ARHGEF28: variants seen among roughly 807,000 people sequenced by gnomAD.
The protein encoded by ARHGEF28 is 190 kDa guanine nucleotide exchange factor.
A neutral mutation model predicts 206.6 loss-of-function variants in ARHGEF28; 152 were observed. The ratio of observed to expected loss-of-function variants is 0.74; its 90% CI spans 0.64 to 0.84. The LOEUF is 0.84. ARHGEF28 is among the 40% of genes least tolerant of loss of function. The pLI is 0.00. For missense variants in ARHGEF28, 2,028 were observed against 2,073.2 expected (o/e 0.98, Z 0.42); for synonymous variants, 763 against 776.4 (o/e 0.98, Z 0.29).
At chr5:73,821,964 T>G (rs1756621459) in intron 9 of ARHGEF28, among the ~76,000 whole-genome samples, 1 of 152,202 alleles carries the variant, frequency 6.6e-6, no homozygotes, top group Non-Finnish European at 1.5e-5. Flanking sequence ...GATTGGTTTT[T>G]GTTCTCAGAG....
At chr5:73,839,420 C>A (rs1757849265) in intron 10 of ARHGEF28, among the ~76,000 whole-genome samples, 1 of 152,114 alleles carries the variant, frequency 6.6e-6, no homozygotes, top group African/African-American at 2.4e-5. Flanking sequence ...TTCTTTTTCC[C>A]CTTCACTGCT....
intron 9 of ARHGEF28, among the ~76,000 whole-genome samples, chr5:73,812,174 C>G (rs1393780102): frequency 6.6e-6 from 1 of 152,150 alleles, no homozygotes; most frequent in Non-Finnish European, 1.5e-5. Flanking sequence ...GGTCTCTCCC[C>G]TTTCTCCTCT....
At chr5:73,740,050 G>A (rs1369796186) in intron 2 of ARHGEF28, among the ~76,000 whole-genome samples, 1 of 148,908 alleles carries the variant, frequency 6.7e-6, no homozygotes, top group African/African-American at 2.5e-5. Flanking sequence ...TGGTGGTGGT[G>A]CCTGCAGTCC....
At chr5:73,670,254 C>T (rs1477734465) in intron 1 of ARHGEF28, among the ~76,000 whole-genome samples, 2 of 152,140 alleles carry the variant, frequency 1.3e-5, no homozygotes, top group Non-Finnish European at 2.9e-5. Context: ...CAGACTGTAA[C>T]CTTTAGGATT....
chr5:73,937,709 C>T (rs553057727), intron 35 of ARHGEF28, among the ~76,000 whole-genome samples: 1 of 152,212 alleles, frequency 6.6e-6, no homozygotes, highest in Admixed American at 6.5e-5. Flanking sequence ...TGGGTGATTA[C>T]TTTTATATAG....
chr5:73,793,657 C>T (rs190477836), intron 7 of ARHGEF28, among the ~76,000 whole-genome samples: 12 of 151,742 alleles, frequency 7.9e-5, no homozygotes, highest in Admixed American at 6.6e-4. Context: ...CTAGGGATAT[C>T]GAGTGCTTTA....
At chr5:73,882,808 G>A (rs1247165497) in intron 23 of ARHGEF28, among the ~76,000 whole-genome samples, 1 of 152,096 alleles carries the variant, frequency 6.6e-6, no homozygotes, top group Non-Finnish European at 1.5e-5. Flanking sequence ...TATTTGTGAG[G>A]TCATGTCTTC....
intron 2 of ARHGEF28, among the ~76,000 whole-genome samples, chr5:73,702,785 A>T (rs1390869768): frequency 6.6e-6 from 1 of 152,186 alleles, no homozygotes; most frequent in Non-Finnish European, 1.5e-5. Flanking sequence ...ATTTGAAATG[A>T]TTATGTAGCC....
chr5:73,874,951 G>T (rs1760361263), intron 22 of ARHGEF28, among the ~76,000 whole-genome samples: 1 of 151,982 alleles, frequency 6.6e-6, no homozygotes, highest in African/African-American at 2.4e-5. Flanking sequence ...GGATGGCTGG[G>T]TCAGATGGTA....
intron 2 of ARHGEF28, among the ~76,000 whole-genome samples, chr5:73,699,039 T>A (rs1263855715): frequency 6.6e-6 from 1 of 152,274 alleles, no homozygotes; most frequent in Non-Finnish European, 1.5e-5. Flanking sequence ...CATGTACTTA[T>A]ACTTAATTTT....
intron 2 of ARHGEF28, among the ~76,000 whole-genome samples, chr5:73,730,517 T>A (rs1177542829): frequency 6.6e-6 from 1 of 150,404 alleles, no homozygotes; most frequent in East Asian, 1.9e-4. Flanking sequence ...AGGTTCAAAC[T>A]GTCCACCATA....
At chr5:73,908,055 CTAAT>C (rs1762647374) in intron 33 of ARHGEF28, among the ~76,000 whole-genome samples, 1 of 152,036 alleles carries the variant, frequency 6.6e-6, no homozygotes, top group Non-Finnish European at 1.5e-5. Context: ...TTATTGTGTG[CTAAT>C]TATTTCATAT....
intron 1 of ARHGEF28, among the ~76,000 whole-genome samples, chr5:73,669,623 T>C (rs866392004): frequency 1.3e-5 from 2 of 152,366 alleles, no homozygotes; most frequent in Middle Eastern, 6.8e-3. Context: ...GTAGTCTTAA[T>C]ATAACAACGA....
intron 30 of ARHGEF28, chr5:73,899,174 C>G (rs985808451): frequency 2.6e-5 from 4 of 152,090 alleles, no homozygotes; most frequent in Admixed American, 1.3e-4. Flanking sequence ...TTTGACACAG[C>G]CCAGATTCAT....
Position 73,867,730 on chromosome 5 carries a change from T to C in ARHGEF28, c.2153-146T>C, listed in dbSNP as rs1580008234. 9 of 1,080,758 alleles carry C rather than the reference T, an allele frequency of 8.3e-6. No homozygotes were observed. In the East Asian group the frequency reaches 2.3e-4, roughly 28 times the overall value. 66.9% of individuals were successfully genotyped at this position (1,080,758 alleles called of 1,614,324 possible). A position where few individuals can be genotyped will look rare whatever the true frequency, so the allele number is the denominator to read the frequency against. On this transcript the variant is annotated intron_variant, in intron 18 of 35. Coordinates refer to ENST00000513042, the MANE Select transcript of ARHGEF28 (RefSeq NM_001177693.2). ...GGGACACTAGGAGCAAGTGTCAGGATCTAGCAGGGAGACTGGTTTTAAGGC... is the reference window on the plus strand; with the variant it reads ...GGGACACTAGGAGCAAGTGTCAGGACCTAGCAGGGAGACTGGTTTTAAGGC...
chr5:73,904,633 A>G, intron 33 of ARHGEF28: 1 of 522,814 alleles, frequency 1.9e-6, no homozygotes, highest in Admixed American at 3.7e-5. Flanking sequence ...AACAGTTCAT[A>G]TCTTTAAAAA....
At chr5:73,748,561 A>G (rs1217985145) in intron 2 of ARHGEF28, among the ~76,000 whole-genome samples, 3 of 152,194 alleles carry the variant, frequency 2.0e-5, no homozygotes, top group African/African-American at 4.8e-5. Flanking sequence ...TATCTTGCTA[A>G]TATTTGTCAG....
chr5:73,884,405 A>G (rs1420942064), intron 24 of ARHGEF28, among the ~76,000 whole-genome samples: 2 of 152,236 alleles, frequency 1.3e-5, no homozygotes, highest in African/African-American at 2.4e-5. Flanking sequence ...TGTGGGATCT[A>G]TAAGACCTGT....
intron 2 of ARHGEF28, among the ~76,000 whole-genome samples, chr5:73,735,578 G>C (rs1000401421): frequency 3.9e-5 from 6 of 152,082 alleles, no homozygotes; most frequent in Non-Finnish European, 7.4e-5. Flanking sequence ...AGAGCAGCAG[G>C]GTACTGAGAA....
Sources: allele counts gnomAD v4.1 joint callset (sites outside exome capture counted in the v4.1 genomes callset), GRCh38; gene constraint gnomAD v4.1.1; transcripts MANE v1.5; gene names NCBI Gene and HGNC (gene_info 2026-07-23, HGNC 2026-07-21).